The following PRKN variants were observed in gnomAD, a reference collection of about 807,000 sequenced individuals.
The protein encoded by PRKN is E3 ubiquitin-protein ligase parkin.
In PRKN, 56 loss-of-function variants were observed where a neutral mutation model predicts 59.5. That is an observed-to-expected ratio of 0.94 (90% CI 0.76 to 1.18). The LOEUF is 1.18. Ranked by LOEUF, PRKN falls within the 50% of genes most tolerant of loss-of-function variation. PRKN has a pLI of 0.00. For missense variants in PRKN, 657 were observed against 596.4 expected (o/e 1.10, Z -1.06); for synonymous variants, 250 against 222.1 (o/e 1.13, Z -1.12).
At chr6:162,533,241 T>C (rs117208914) in intron 1 of PRKN, among the ~76,000 whole-genome samples, 3,055 of 152,298 alleles carry the variant, frequency 0.02, 47 homozygotes, top group Non-Finnish European at 0.033. Flanking sequence ...AATACATTTA[T>C]GGCTGGGCGC....
chr6:161,644,683 G>A (rs2128159564), intron 7 of PRKN, among the ~76,000 whole-genome samples: 2 of 152,280 alleles, frequency 1.3e-5, no homozygotes, highest in East Asian at 3.9e-4. Flanking sequence ...ATATAGATAG[G>A]GAACTACCTG....
chr6:161,887,843 TAG>T (rs1199531942), intron 6 of PRKN, among the ~76,000 whole-genome samples: 2 of 152,170 alleles, frequency 1.3e-5, no homozygotes, highest in Admixed American at 1.3e-4. Context: ...TTACCAGATA[TAG>T]AAATATCTTT....
At position 161,463,711 on chromosome 6, in the gene PRKN, C is replaced by T. The variant is rs1790318599; in HGVS notation, c.1084-76834G>A. Among the ~76,000 whole-genome samples the T allele has an allele frequency of 1.3e-5, 2 of 152,114 alleles. No individual in the cohort carries two copies. The highest frequency in any genetic ancestry group is 2.9e-5 in the Non-Finnish European group (2 of 68,032). ...TGGAAAGACTTGGCTGAAACTCAGCCCCAGCTAAAGCAACATCAGAACTGC... is the reference window on the plus strand; with the variant it reads ...TGGAAAGACTTGGCTGAAACTCAGCTCCAGCTAAAGCAACATCAGAACTGC... On this transcript the variant is annotated intron_variant, in intron 9 of 11. Transcript: ENST00000366898. This position sits in a 1 kb window ranked among gnomAD's most constrained non-coding sequence, Gnocchi z 4.8.
In PRKN at chr6:161,388,664, C is replaced by T. The variant is rs147689778; in HGVS notation, c.1084-1787G>A. Reference sequence around the variant, plus strand: ...GAATATGGTAGAAATGATGGTGTACCACTTTCTAGGCCCAGGCCTCAAGAA... The same window carrying T: ...GAATATGGTAGAAATGATGGTGTACTACTTTCTAGGCCCAGGCCTCAAGAA... On this transcript the variant is annotated intron_variant, in intron 9 of 11. Transcript: ENST00000366898. This position sits in a 1 kb window ranked among gnomAD's most constrained non-coding sequence, Gnocchi z 4.3. 7.3e-3 allele frequency among the ~76,000 whole-genome samples: 1,109 copies of T among 152,282 alleles called. 17 individuals carry two copies. Among genetic ancestry groups the T allele is most frequent in the Non-Finnish European group, 7.5e-3 (509 of 68,028 alleles).
chr6:161,506,156 G>A (rs1265513909), intron 9 of PRKN, among the ~76,000 whole-genome samples: 8 of 151,594 alleles, frequency 5.3e-5, no homozygotes, highest in East Asian at 3.9e-4. Flanking sequence ...TCCTACCCAC[G>A]AGCATGGAAT....
chr6:161,754,501 G>A (rs559606408), intron 7 of PRKN, among the ~76,000 whole-genome samples: 2 of 152,224 alleles, frequency 1.3e-5, no homozygotes, highest in South Asian at 2.1e-4. Context: ...GGGAGGCTGC[G>A]GTGCGTGATT....
At chr6:161,670,993 G>A (rs1178348903) in intron 7 of PRKN, among the ~76,000 whole-genome samples, 2 of 152,072 alleles carry the variant, frequency 1.3e-5, no homozygotes, top group Non-Finnish European at 2.9e-5. Context: ...GACATAATTC[G>A]ACCCATAACA....
At chr6:161,795,052 T>G (rs554662931) in intron 6 of PRKN, among the ~76,000 whole-genome samples, 2 of 150,906 alleles carry the variant, frequency 1.3e-5, no homozygotes, top group South Asian at 4.2e-4. Context: ...ACCCAGCTAA[T>G]TTTTTGTATT....
chr6:161,864,603 G>T (rs2128225399), intron 6 of PRKN, among the ~76,000 whole-genome samples: 1 of 152,178 alleles, frequency 6.6e-6, no homozygotes, highest in Middle Eastern at 3.4e-3. Context: ...ATGACATCTA[G>T]AATGGTGAAT....
chr6:162,149,077 C>T (rs1431740568), intron 4 of PRKN, among the ~76,000 whole-genome samples: 1 of 152,044 alleles, frequency 6.6e-6, no homozygotes, highest in African/African-American at 2.4e-5. Flanking sequence ...CCTGTGTCTG[C>T]GTCTGACCAT....
At chr6:161,607,308 T>C (rs780279085) in intron 7 of PRKN, among the ~76,000 whole-genome samples, 5 of 152,036 alleles carry the variant, frequency 3.3e-5, no homozygotes, top group African/African-American at 7.2e-5. Flanking sequence ...AAAAAAAGTA[T>C]GAATGAAAAG....
intron 6 of PRKN, among the ~76,000 whole-genome samples, chr6:161,900,003 G>A (rs529353930): frequency 5.3e-5 from 8 of 151,902 alleles, no homozygotes; most frequent in East Asian, 1.9e-4. Flanking sequence ...CCAGCTACTC[G>A]GGAGGCTGAG....
intron 1 of PRKN, among the ~76,000 whole-genome samples, chr6:162,696,033 AAAGT>A: frequency 6.6e-6 from 1 of 152,152 alleles, no homozygotes; most frequent in African/African-American, 2.4e-5. Flanking sequence ...CTGACTACAG[AAAGT>A]GCCTGGAACA....
At position 162,227,761 on chromosome 6, in the gene PRKN, T is replaced by G. The variant is rs548593714; in HGVS notation, c.413-26509A>C. Among the ~76,000 whole-genome samples the G allele has an allele frequency of 4.8e-4, 73 of 152,256 alleles. 1 individual carries two copies. In the South Asian group the frequency reaches 0.014, roughly 29 times the overall value. On this transcript the variant is annotated intron_variant, in intron 3 of 11. Coordinates refer to ENST00000366898, the MANE Select transcript of PRKN (RefSeq NM_004562.3). ...TGTGACATAAAAACAAAAGTGAAGT[T>G]AGCTACTTAGTCAAAGCTGGCAAAT...
At chr6:162,387,739 C>T (rs1038963892) in intron 2 of PRKN, among the ~76,000 whole-genome samples, 20 of 152,206 alleles carry the variant, frequency 1.3e-4, no homozygotes, top group African/African-American at 4.3e-4. Context: ...AGTGTGGTAT[C>T]TGAAATGGTG....
At chr6:162,612,553 C>T (rs1255370123) in intron 1 of PRKN, among the ~76,000 whole-genome samples, 2 of 145,684 alleles carry the variant, frequency 1.4e-5, no homozygotes, top group African/African-American at 2.5e-5. Context: ...GCCGAGATCG[C>T]GCCATTGCAC....
intron 7 of PRKN, among the ~76,000 whole-genome samples, chr6:161,659,016 A>C (rs901156167): frequency 5.9e-5 from 9 of 152,242 alleles, no homozygotes; most frequent in African/African-American, 2.2e-4. Context: ...TGTGCTGAGC[A>C]CAGCGACTAC....
chr6:161,625,667 T>A (rs762727374), intron 7 of PRKN, among the ~76,000 whole-genome samples: 1 of 152,210 alleles, frequency 6.6e-6, no homozygotes, highest in Non-Finnish European at 1.5e-5. Flanking sequence ...GGCGGCTACG[T>A]AGAACCACTT....
intron 4 of PRKN, among the ~76,000 whole-genome samples, chr6:162,101,634 T>C (rs1779974442): frequency 2.0e-5 from 3 of 151,754 alleles, no homozygotes; most frequent in African/African-American, 7.3e-5. Context: ...ATCGTGCCAC[T>C]GCACTCCAGC....
Sources: gnomAD v4.1 joint callset for allele counts (sites outside exome capture counted in the v4.1 genomes callset) on GRCh38, gnomAD v4.1.1 for gene constraint, Gnocchi (gnomAD v3.1) non-coding constraint, MANE v1.5 for transcripts, NCBI Gene and HGNC (gene_info 2026-07-23, HGNC 2026-07-21) for gene names.